The following MAP3K4 variants were observed in gnomAD, a reference collection of about 807,000 sequenced individuals.
MAP3K4 encodes the protein MAP three kinase 1.
In MAP3K4, 67 loss-of-function variants were observed where a neutral mutation model predicts 185.6. That is an observed-to-expected ratio of 0.36 (90% CI 0.30 to 0.44). The LOEUF (loss-of-function observed/expected upper bound fraction) is 0.44, where lower values mean the gene tolerates loss of function less well. Ranked by LOEUF, MAP3K4 falls within the 20% of genes least tolerant of loss-of-function variation. The pLI, the probability that MAP3K4 is intolerant of heterozygous loss-of-function variation, is 1.00. For missense variants in MAP3K4, 1,551 were observed against 1,995.1 expected, an observed-to-expected ratio of 0.78 and a Z score of 4.24; for synonymous variants, 702 against 710.4, an observed-to-expected ratio of 0.99 and a Z score of 0.19.
At chr6:161,023,542 T>C (rs1782500671) in intron 1 of MAP3K4, among the ~76,000 whole-genome samples, 1 of 152,252 alleles carries the variant, frequency 6.6e-6, no homozygotes, top group African/African-American at 2.4e-5. Flanking sequence ...TTTATGGCAG[T>C]TGATCAGACT....
chr6:160,992,076 G>A lies in MAP3K4; in HGVS notation c.145G>A (p.Ala49Thr). The change falls in exon 1 of 27, where the codon GCG becomes ACG. Residue 49 changes from alanine to threonine, a missense_variant. By Grantham distance (58) the Ala-to-Thr change is moderately conservative (BLOSUM62 0). This residue lies in a region of MAP3K4 where 287 missense variants were observed against 268.8 expected (regional missense o/e 1.07). Coordinates refer to ENST00000392142, the MANE Select transcript of MAP3K4 (RefSeq NM_005922.4). ...CGAGTCAGAACCCGAGTGCTGCTTGGCGGCGAGGTGAGTGTGGCGGCCGCA... is the reference window on the plus strand; with the variant it reads ...CGAGTCAGAACCCGAGTGCTGCTTGACGGCGAGGTGAGTGTGGCGGCCGCA... The part of the protein sequence containing the change: ...ETESEPECCL[A>T]ARQEGTLGDS... 1 of 1,570,704 alleles carries A rather than the reference G, an allele frequency of 6.4e-7. No homozygotes were observed. The highest frequency in any genetic ancestry group is 1.2e-5 in the South Asian group (1 of 86,778).
chr6:161,017,705 A>G lies in MAP3K4; in HGVS notation c.153-16554A>G, dbSNP rs1402058903. 6.6e-6 allele frequency among the ~76,000 whole-genome samples: 1 copy of G among 152,182 alleles called. No homozygotes were observed. Among genetic ancestry groups the G allele is most frequent in the Non-Finnish European group, 1.5e-5 (1 of 68,032 alleles). On this transcript the variant is annotated intron_variant, in intron 1 of 26. Transcript: ENST00000392142. The surrounding 1 kb of genome is among the most constrained non-coding windows in gnomAD (Gnocchi z 5.1). The stretch of plus-strand genomic sequence containing the variant: ...CTTTTTATGTAAAGTAAACATAAAC[A>G]TATACATATTTTTGAACAAAATTTC...
At chr6:161,028,915 G>T (rs1782794863) in intron 1 of MAP3K4, among the ~76,000 whole-genome samples, 1 of 152,114 alleles carries the variant, frequency 6.6e-6, no homozygotes, top group African/African-American at 2.4e-5. Flanking sequence ...GTGTAATATG[G>T]ATAACTTATT....
rs373034579 is a variant in MAP3K4, at chr6:161,040,543, G to C, written c.343+6094G>C. Among the ~76,000 whole-genome samples the C allele has an allele frequency of 1.2e-4, 18 of 152,326 alleles. No individual in the cohort carries two copies. In the East Asian group the frequency reaches 2.9e-3, roughly 25 times the overall value. ...TGTAAGGAGTCCATGGTTTTCATCA[G>C]ATTCGCAAATGTAGTCTGTGACCCA... On this transcript the variant is annotated intron_variant, in intron 2 of 26. Coordinates refer to ENST00000392142, the MANE Select transcript of MAP3K4 (RefSeq NM_005922.4).
At chr6:161,042,353 G>A (rs1021915938) in intron 2 of MAP3K4, among the ~76,000 whole-genome samples, 1 of 152,182 alleles carries the variant, frequency 6.6e-6, no homozygotes, top group African/African-American at 2.4e-5. Context: ...TCTAAAGACT[G>A]TGTTTGAGTG....
chr6:161,023,367 A>G (rs372146118), intron 1 of MAP3K4, among the ~76,000 whole-genome samples: 3 of 152,362 alleles, frequency 2.0e-5, no homozygotes. Context: ...TAAATACCAC[A>G]TTATGAAAAA....
At chr6:161,004,913 GT>G (rs1178225231) in intron 1 of MAP3K4, among the ~76,000 whole-genome samples, 3 of 152,134 alleles carry the variant, frequency 2.0e-5, no homozygotes, top group African/African-American at 7.2e-5. Context: ...GAGCAAACCA[GT>G]AATCTGATAA....
In MAP3K4 at chr6:161,115,067, C is replaced by T. The variant is rs918504045; in HGVS notation, c.4627-56C>T. 68 of 1,443,476 alleles carry T rather than the reference C, an allele frequency of 4.7e-5. No individual in the cohort carries two copies. The highest frequency in any genetic ancestry group is 1.1e-4 in the South Asian group (9 of 79,798). 89.4% of individuals were successfully genotyped at this position (1,443,476 alleles called of 1,614,324 possible). ...TGCTTAAAAACAGACTGAACATTTG[C>T]GTTGTTTGTGGCTGTGTAATATTAA... On this transcript the variant is annotated intron_variant, in intron 25 of 26. Coordinates refer to ENST00000392142, the MANE Select transcript of MAP3K4 (RefSeq NM_005922.4). This position sits in a 1 kb window ranked among gnomAD's most constrained non-coding sequence, Gnocchi z 6.0.
In MAP3K4 at chr6:161,111,820, CTTCT is replaced by C. The variant is rs752225855; in HGVS notation, c.4397-13_4397-10del. 5.3e-6 allele frequency: 8 copies of C among 1,497,124 alleles called. No homozygotes were observed. In the African/African-American group the frequency reaches 8.6e-5, roughly 16 times the overall value. 92.7% of individuals were successfully genotyped at this position (1,497,124 alleles called of 1,614,324 possible). ...TGTTTCAGAGGCTGCGTAACAACTA[CTTCT>C]TTTCTTTTTAGGTGCCAATATCTTC... On this transcript the variant is annotated splice_polypyrimidine_tract_variant and intron_variant, in intron 23 of 26. Transcript: ENST00000392142.
chr6:161,004,829 A>G (rs1039313337), intron 1 of MAP3K4, among the ~76,000 whole-genome samples: 1 of 152,242 alleles, frequency 6.6e-6, no homozygotes, highest in Non-Finnish European at 1.5e-5. Flanking sequence ...ATAGGTTTTC[A>G]TAGTAAAACA....
chr6:161,023,456 C>T (rs1163236781), intron 1 of MAP3K4, among the ~76,000 whole-genome samples: 3 of 152,220 alleles, frequency 2.0e-5, no homozygotes, highest in Non-Finnish European at 1.5e-5. Context: ...ACTCAGCCTC[C>T]TGGAGGAGGA....
Position 161,091,366 on chromosome 6 carries a change from T to G in MAP3K4, c.2974-13T>G. On this transcript the variant is annotated splice_polypyrimidine_tract_variant and intron_variant, in intron 11 of 26. Coordinates refer to ENST00000392142, the MANE Select transcript of MAP3K4 (RefSeq NM_005922.4). The surrounding 1 kb of genome is among the most constrained non-coding windows in gnomAD (Gnocchi z 5.5). ...TGCTTCATTTTGCATTAATCATGGT[T>G]TGGACTCTTCAGAATGATGCATTGG... The G allele has an allele frequency of 6.2e-7, 1 of 1,608,998 alleles. No individual in the cohort carries two copies. The highest frequency in any genetic ancestry group is 8.5e-7 in the Non-Finnish European group (1 of 1,177,642).
chr6:161,011,468 C>T (rs555237035), intron 1 of MAP3K4, among the ~76,000 whole-genome samples: 1 of 152,272 alleles, frequency 6.6e-6, no homozygotes, highest in South Asian at 2.1e-4. Flanking sequence ...CTCCCTTCTT[C>T]ACACACTTAA....
intron 1 of MAP3K4, among the ~76,000 whole-genome samples, chr6:161,023,831 A>C (rs1470656034): frequency 1.3e-5 from 2 of 152,232 alleles, no homozygotes; most frequent in East Asian, 3.8e-4. Context: ...TACATTTTTA[A>C]GTTTAGTTTT....
At chr6:160,999,606 GA>G (rs1781173384) in intron 1 of MAP3K4, among the ~76,000 whole-genome samples, 1 of 152,170 alleles carries the variant, frequency 6.6e-6, no homozygotes, top group Non-Finnish European at 1.5e-5. Context: ...TTAGAGATGA[GA>G]AAAATGGCCT....
At chr6:161,033,485 T>C (rs1156423038) in intron 1 of MAP3K4, among the ~76,000 whole-genome samples, 2 of 152,196 alleles carry the variant, frequency 1.3e-5, no homozygotes, top group African/African-American at 4.8e-5. Context: ...AATGAGAAAT[T>C]GCATTTTGAA....
chr6:161,100,511 T>A lies in MAP3K4; in HGVS notation c.3675-1381T>A, dbSNP rs1009792254. The stretch of plus-strand genomic sequence containing the variant: ...CAGTGGTGCTCTTGCTGAGGCTTGC[T>A]CCTGCTGGCTCTCAAGAGCTGATGG... On this transcript the variant is annotated intron_variant, in intron 17 of 26. Coordinates refer to ENST00000392142, the MANE Select transcript of MAP3K4 (RefSeq NM_005922.4). This position sits in a 1 kb window ranked among gnomAD's most constrained non-coding sequence, Gnocchi z 5.8. Among the ~76,000 whole-genome samples, 2 of 152,242 alleles carry A rather than the reference T, an allele frequency of 1.3e-5. No individual in the cohort carries two copies. The highest frequency in any genetic ancestry group is 4.8e-5 in the African/African-American group (2 of 41,466).
intron 19 of MAP3K4, among the ~76,000 whole-genome samples, chr6:161,104,742 T>A (rs1458636433): frequency 6.6e-6 from 1 of 151,796 alleles, no homozygotes; most frequent in East Asian, 1.9e-4. Flanking sequence ...TTGAGAAATT[T>A]TTTTTTAAGC....
At chr6:161,047,035 G>T (rs984638693) in intron 2 of MAP3K4, among the ~76,000 whole-genome samples, 1 of 146,318 alleles carries the variant, frequency 6.8e-6, no homozygotes, top group Non-Finnish European at 1.5e-5. Context: ...ATAATTGATG[G>T]TGTGTTCTTA....
Sources: allele counts gnomAD v4.1 joint callset (sites outside exome capture counted in the v4.1 genomes callset), GRCh38; gene constraint gnomAD v4.1.1; regional missense constraint gnomAD v4.1.1; non-coding constraint Gnocchi (gnomAD v3.1); transcripts MANE v1.5; gene names NCBI Gene and HGNC (gene_info 2026-07-23, HGNC 2026-07-21).